FGD4: variants seen among roughly 807,000 people sequenced by gnomAD.
FGD4 encodes the protein FYVE, RhoGEF and PH domain-containing protein 4.
A neutral mutation model predicts 102.0 loss-of-function variants in FGD4; 42 were observed. The observed-to-expected ratio is 0.41, with a 90% CI of 0.32 to 0.53. The LOEUF is 0.53. Ranked by LOEUF, FGD4 falls within the 20% of genes least tolerant of loss-of-function variation. The pLI is 0.21. For missense variants in FGD4, 902 were observed against 1,078.2 expected, an observed-to-expected ratio of 0.84 and a Z score of 2.29; for synonymous variants, 380 against 375.7, an observed-to-expected ratio of 1.01 and a Z score of -0.13.
intron 1 of FGD4, among the ~76,000 whole-genome samples, chr12:32,438,424 C>G (rs1219134137): frequency 6.6e-6 from 1 of 152,060 alleles, no homozygotes; most frequent in Non-Finnish European, 1.5e-5. Flanking sequence ...AAAATGTTAG[C>G]CTTCTCTTAG....
At chr12:32,636,651 T>A (rs1950833885) in intron 15 of FGD4, among the ~76,000 whole-genome samples, 1 of 152,102 alleles carries the variant, frequency 6.6e-6, no homozygotes, top group Admixed American at 6.5e-5. Context: ...AAATTCAAAT[T>A]GTTATAAAAG....
chr12:32,401,758 T>C (rs113598193), intron 1 of FGD4, among the ~76,000 whole-genome samples: 8,144 of 146,188 alleles, frequency 0.056, 376 homozygotes, highest in Middle Eastern at 0.13. Context: ...GACGCAGTTT[T>C]GCGCTTGTCC....
rs545986066 is a variant in FGD4, at chr12:32,623,838, A to G, written c.1923-584A>G. ...GGATGATTACTAAACACTGGGGTCTATTAATCTGTAAAACCTCCTTCCTAC... is the reference window on the plus strand; with the variant it reads ...GGATGATTACTAAACACTGGGGTCTGTTAATCTGTAAAACCTCCTTCCTAC... On this transcript the variant is annotated intron_variant, in intron 11 of 16. Coordinates refer to ENST00000534526, the MANE Select transcript of FGD4 (RefSeq NM_001370298.3). Among the ~76,000 whole-genome samples the G allele has an allele frequency of 3.9e-5, 6 of 152,360 alleles. No homozygotes were observed. The East Asian group carries it at 9.6e-4, about 24-fold the overall frequency.
intron 11 of FGD4, among the ~76,000 whole-genome samples, chr12:32,623,896 T>C (rs12300477): frequency 0.15 from 22,580 of 152,208 alleles, 1,925 homozygotes; most frequent in Middle Eastern, 0.26. Context: ...CTTTTCTTTA[T>C]CTAAAATGGG....
intron 10 of FGD4, among the ~76,000 whole-genome samples, chr12:32,618,487 CTA>C (rs781174751): frequency 0.15 from 22,570 of 151,860 alleles, 1,912 homozygotes; most frequent in Middle Eastern, 0.24. Context: ...GAGATTTGAA[CTA>C]ATAAATAGGC....
chr12:32,453,632 C>G (rs1471979627), intron 1 of FGD4, among the ~76,000 whole-genome samples: 1 of 152,168 alleles, frequency 6.6e-6, no homozygotes, highest in Non-Finnish European at 1.5e-5. Context: ...GGTGTTCAGA[C>G]AGATAATTAA....
At chr12:32,573,238 A>G (rs544413041) in intron 2 of FGD4, among the ~76,000 whole-genome samples, 14 of 152,026 alleles carry the variant, frequency 9.2e-5, no homozygotes, top group South Asian at 2.1e-4. Flanking sequence ...TGGGACTACA[A>G]GCGCCCGCCA....
rs562735657 is a variant in FGD4, at chr12:32,588,967, C to T, written c.1011+6500C>T. ...AGATACCTAACCTAGTGGTCAGGAA[C>T]ACAGACTCAAGAGCCAGGTCCTCTA... is the stretch of plus-strand genomic sequence containing the variant. On this transcript the variant is annotated intron_variant, in intron 4 of 16. Coordinates refer to ENST00000534526, the MANE Select transcript of FGD4 (RefSeq NM_001370298.3). 2.6e-5 allele frequency among the ~76,000 whole-genome samples: 4 copies of T among 152,298 alleles called. No homozygotes were observed. The South Asian group carries it at 8.3e-4, about 32-fold the overall frequency.
intron 1 of FGD4, among the ~76,000 whole-genome samples, chr12:32,454,267 C>T (rs1008105807): frequency 5.3e-5 from 8 of 152,004 alleles, no homozygotes; most frequent in East Asian, 1.9e-4. Flanking sequence ...GCATTTGTAC[C>T]GCATGCAAGG....
chr12:32,585,227 TA>T (rs1946917654), intron 4 of FGD4, among the ~76,000 whole-genome samples: 1 of 66,908 alleles, frequency 1.5e-5, no homozygotes, highest in African/African-American at 1.3e-4. Context: ...AAATTTTATA[TA>T]TATATATATA....
At chr12:32,546,389 A>T (rs1391692612) in intron 1 of FGD4, among the ~76,000 whole-genome samples, 1 of 152,230 alleles carries the variant, frequency 6.6e-6, no homozygotes, top group Admixed American at 6.5e-5. Flanking sequence ...TGCAAAACAC[A>T]TATTGACCTG....
intron 1 of FGD4, among the ~76,000 whole-genome samples, chr12:32,401,266 C>G (rs1940650233): frequency 6.6e-6 from 1 of 152,130 alleles, no homozygotes; most frequent in South Asian, 2.1e-4. Context: ...GCACCAAATT[C>G]CTTATTTTTG....
chr12:32,620,883 G>A (rs1351662008), intron 11 of FGD4, among the ~76,000 whole-genome samples: 1 of 150,038 alleles, frequency 6.7e-6, no homozygotes, highest in African/African-American at 2.5e-5. Context: ...GGCTGGTCTC[G>A]AACTCCTGAC....
At chr12:32,518,367 A>G (rs1940121562) in intron 1 of FGD4, among the ~76,000 whole-genome samples, 1 of 152,200 alleles carries the variant, frequency 6.6e-6, no homozygotes, top group South Asian at 2.1e-4. Flanking sequence ...AATCACAGCT[A>G]CTTGGGAGGC....
intron 10 of FGD4, among the ~76,000 whole-genome samples, chr12:32,616,925 G>T (rs1213397913): frequency 6.6e-6 from 1 of 152,158 alleles, no homozygotes; most frequent in Non-Finnish European, 1.5e-5. Flanking sequence ...TGCGGGGCTG[G>T]CATCTGGTGA....
intron 7 of FGD4, among the ~76,000 whole-genome samples, chr12:32,602,582 C>T (rs553708726): frequency 1.3e-4 from 20 of 152,284 alleles, no homozygotes; most frequent in African/African-American, 4.6e-4. Flanking sequence ...AAATGAGTTC[C>T]CATTCGGGTC....
chr12:32,566,615 A>G (rs917346342), intron 2 of FGD4, among the ~76,000 whole-genome samples: 1 of 152,198 alleles, frequency 6.6e-6, no homozygotes, highest in African/African-American at 2.4e-5. Context: ...ACGAGGCTAC[A>G]TCTTAGTATT....
chr12:32,540,981 T>A (rs1341200504), intron 1 of FGD4, among the ~76,000 whole-genome samples: 2 of 152,212 alleles, frequency 1.3e-5, no homozygotes, highest in Non-Finnish European at 1.5e-5. Context: ...ATTGAATGAA[T>A]AAAATAGTCA....
At chr12:32,406,161 C>T (rs992597517) in intron 1 of FGD4, among the ~76,000 whole-genome samples, 5 of 151,852 alleles carry the variant, frequency 3.3e-5, no homozygotes, top group South Asian at 2.1e-4. Context: ...AGGCTGGTCT[C>T]GAACTCCCGA....
Sources: gnomAD v4.1 joint callset for allele counts (sites outside exome capture counted in the v4.1 genomes callset) on GRCh38, gnomAD v4.1.1 for gene constraint, MANE v1.5 for transcripts, NCBI Gene and HGNC (gene_info 2026-07-23, HGNC 2026-07-21) for gene names.